ZNF776: variants seen among roughly 807,000 people sequenced by gnomAD.
The protein encoded by ZNF776 is zinc finger protein 776.
In ZNF776, 4 loss-of-function variants were observed where a neutral mutation model predicts 7.0. The observed-to-expected ratio is 0.57, with a 90% CI of 0.28 to 1.31. The LOEUF (loss-of-function observed/expected upper bound fraction) is 1.31, where lower values mean the gene tolerates loss of function less well. Ranked by LOEUF, ZNF776 falls within the 50% of genes most tolerant of loss-of-function variation. The pLI is 0.10. For synonymous variants in ZNF776, 212 were observed against 213.7 expected (o/e 0.99, Z 0.07); for missense variants, 555 against 625.9 (o/e 0.89, Z 1.21).
In ZNF776 at chr19:57,750,973, C is replaced by G. The variant is rs1986586396; in HGVS notation, c.160+62C>G. 3.9e-6 allele frequency: 6 copies of G among 1,525,686 alleles called. No individual in the cohort carries two copies. In the East Asian group the frequency reaches 1.4e-4, roughly 36 times the overall value. 94.5% of individuals were successfully genotyped at this position (1,525,686 alleles called of 1,614,324 possible). The stretch of plus-strand genomic sequence containing the variant: ...TTGTCTGTCTGTCCCCATCTTTTTT[C>G]CCCATGGCAAGACTGTTTTCCTCAC... On this transcript the variant is annotated intron_variant, in intron 2 of 2. Coordinates refer to ENST00000317178, the MANE Select transcript of ZNF776 (RefSeq NM_173632.4).
intron 1 of ZNF776, among the ~76,000 whole-genome samples, chr19:57,747,736 G>A (rs963501900): frequency 1.3e-5 from 2 of 152,102 alleles, no homozygotes; most frequent in African/African-American, 4.8e-5. Context: ...CCTGGCTGCA[G>A]AAGCACTTGC....
At chr19:57,752,217 T>G (rs12610037) in intron 2 of ZNF776, among the ~76,000 whole-genome samples, 75,402 of 151,914 alleles carry the variant, frequency 0.5, 19,567 homozygotes, top group East Asian at 0.67. Flanking sequence ...TTACCCAGGT[T>G]GGTCTTGAAC....
chr19:57,749,402 G>A (rs149432238), intron 1 of ZNF776: 1 of 152,394 alleles, frequency 6.6e-6, no homozygotes, highest in East Asian at 1.9e-4. Flanking sequence ...TTGCATGGAT[G>A]TGGAGTAATG....
rs61738634 is a variant in ZNF776 at position 57,754,269 on chromosome 19, C to A, written c.1139C>A (p.Ala380Glu). ...GGAGAAAGACCTTTTGAGTGTACGG[C>A]ATGTGGGAAGTTATTTAGGAGCAAC... ...HTGERPFECT[A>E]CGKLFRSNSH... is the part of the protein sequence containing the mutation. Residue 380 changes from alanine (A) to glutamate (E), a missense_variant, in exon 3 of 3, where the codon GCA becomes GAA. Ala to Glu is a moderately radical substitution (Grantham distance 107). Transcript: ENST00000317178. 2 of 1,611,680 alleles carry A rather than the reference C, an allele frequency of 1.2e-6. No homozygotes were observed. Among genetic ancestry groups the A allele is most frequent in the Non-Finnish European group, 1.7e-6 (2 of 1,179,348 alleles).
rs183141988 is a variant in ZNF776 at position 57,757,088 on chromosome 19, C to A, written c.*2401C>A. On this transcript the variant is annotated 3_prime_UTR_variant, in exon 3 of 3. Transcript: ENST00000317178. The stretch of plus-strand genomic sequence containing the variant: ...TGGCCTCAAGTAATCCTCTAGCATA[C>A]GCCCTTGAAAGCACTAGGATTACAG... The A allele has an allele frequency of 2.5e-5, 6 of 238,484 alleles. No homozygotes were observed. The South Asian group carries it at 2.6e-4, about 10-fold the overall frequency. 14.8% of individuals were successfully genotyped at this position (238,484 alleles called of 1,614,324 possible).
intron 2 of ZNF776, among the ~76,000 whole-genome samples, chr19:57,752,176 G>T (rs1011883251): frequency 6.6e-6 from 1 of 151,958 alleles, no homozygotes; most frequent in Admixed American, 6.6e-5. Flanking sequence ...GGCCTCATTT[G>T]TTTGTTTTGT....
At chr19:57,749,898 C>T (rs1474625701) in intron 1 of ZNF776, among the ~76,000 whole-genome samples, 1 of 152,146 alleles carries the variant, frequency 6.6e-6, no homozygotes, top group Non-Finnish European at 1.5e-5. Context: ...TGAGGGATGT[C>T]CTCTTCTAGA....
At chr19:57,747,780 C>A (rs1986481690) in intron 1 of ZNF776, among the ~76,000 whole-genome samples, 1 of 152,012 alleles carries the variant, frequency 6.6e-6, no homozygotes, top group Non-Finnish European at 1.5e-5. Flanking sequence ...GGTGTTATTC[C>A]CTCACTGGCC....
chr19:57,747,797 C>T (rs928431209), intron 1 of ZNF776, among the ~76,000 whole-genome samples: 1 of 151,754 alleles, frequency 6.6e-6, no homozygotes, highest in Non-Finnish European at 1.5e-5. Flanking sequence ...GGCCCTAACT[C>T]CTATCCACAT....
In ZNF776 at chr19:57,746,925, T is replaced by G. The variant is rs1299416822; in HGVS notation, c.-134T>G. ...GGTGGAGACGAGACGTTGTCCCGAC[T>G]GCACAGAGGCTGCTCTGCAGCTCCT... is the stretch of plus-strand genomic sequence containing the variant. On this transcript the variant is annotated 5_prime_UTR_variant, in exon 1 of 3. Transcript: ENST00000317178. 1.2e-6 allele frequency: 1 copy of G among 847,732 alleles called. No individual in the cohort carries two copies. The highest frequency in any genetic ancestry group is 2.8e-5 in the East Asian group (1 of 35,176). The allele number at this position is 847,732 out of a possible 1,614,324, so 52.5% of individuals were successfully genotyped here.
intron 2 of ZNF776, among the ~76,000 whole-genome samples, chr19:57,751,863 G>GTTTTTT (rs1256893730): frequency 9.5e-5 from 6 of 63,374 alleles, no homozygotes; most frequent in African/African-American, 2.1e-4. Flanking sequence ...TGTATTTTTG[G>GTTTTTT]TTTTGTTTTT....
rs776447732 is a variant in ZNF776, at chr19:57,754,588, G to C, written c.1458G>C (p.Arg486Ser). The change falls in exon 3 of 3, where the codon AGG (arginine) becomes AGC (serine). Residue 486 changes from arginine (R) to serine (S), a missense_variant. Physicochemically the swap from Arg to Ser is moderately radical, Grantham distance 110. Coordinates refer to ENST00000317178, the MANE Select transcript of ZNF776 (RefSeq NM_173632.4). ...IRHQQIHSGE[R>S]PHECGECGKC... ...ATCAGCAGATTCACTCTGGAGAAAG[G>C]CCACATGAGTGTGGAGAATGTGGAA... 4.3e-6 allele frequency: 7 copies of C among 1,613,886 alleles called. No individual in the cohort carries two copies. In the African/African-American group the frequency reaches 9.3e-5, roughly 22 times the overall value.
chr19:57,754,171 T>G lies in ZNF776; in HGVS notation c.1041T>G (p.Pro347=). The G allele has an allele frequency of 6.2e-7, 1 of 1,613,432 alleles. No individual in the cohort carries two copies. The highest frequency in any genetic ancestry group is 8.5e-7 in the Non-Finnish European group (1 of 1,179,840). Reference sequence around the variant, plus strand: ...AGCGAGTTCACACTGGAGAAAGACCTTATCAGTGTGGAGAATGTGGGAAAT... The same window carrying G: ...AGCGAGTTCACACTGGAGAAAGACCGTATCAGTGTGGAGAATGTGGGAAAT... ...HHQRVHTGER[P]YQCGECGKSF... Residue 347 remains proline, a synonymous_variant, in exon 3 of 3, where the codon CCT becomes CCG. Coordinates refer to ENST00000317178, the MANE Select transcript of ZNF776 (RefSeq NM_173632.4).
Position 57,753,397 on chromosome 19 carries a change from C to T in ZNF776, c.267C>T (p.Val89=). 1 of 1,614,208 alleles carries T rather than the reference C, an allele frequency of 6.2e-7. No homozygotes were observed. The change falls in exon 3 of 3, where the codon GTC becomes GTT. Residue 89 remains valine (V), a synonymous_variant. Coordinates refer to ENST00000317178, the MANE Select transcript of ZNF776 (RefSeq NM_173632.4). The part of the protein sequence containing the change: ...THWTGVCTKK[V]HLWGMCGPLL... ...GGACAGGTGTATGTACCAAGAAGGT[C>T]CACCTCTGGGGAATGTGTGGCCCTC...
chr19:57,751,974 C>T (rs1435238687), intron 2 of ZNF776, among the ~76,000 whole-genome samples: 5 of 141,970 alleles, frequency 3.5e-5, no homozygotes, highest in Non-Finnish European at 6.1e-5. Flanking sequence ...CAGGTTCACA[C>T]CATTCTCCTG....
intron 1 of ZNF776, among the ~76,000 whole-genome samples, chr19:57,749,882 T>C (rs887771835): frequency 2.0e-5 from 3 of 152,216 alleles, no homozygotes; most frequent in Non-Finnish European, 4.4e-5. Flanking sequence ...ATGTGGTCCT[T>C]CATGATGAGG....
rs776250552 is a variant in ZNF776 at position 57,754,662 on chromosome 19, C to T, written c.1532C>T (p.Thr511Met). Residue 511 changes from threonine (T) to methionine (M), a missense_variant, in exon 3 of 3, where the codon ACG becomes ATG. Physicochemically the swap from Thr to Met is moderately conservative, Grantham distance 81. Transcript: ENST00000317178. Reference protein sequence around the residue: ...GNLIKHQRVHTGERHHEC With the variant: ...GNLIKHQRVHMGERHHEC ...CTCATTAAACATCAACGAGTTCACA[C>T]GGGAGAAAGACATCATGAATGTTGA... 36 of 1,612,018 alleles carry T rather than the reference C, an allele frequency of 2.2e-5. No individual in the cohort carries two copies. Among genetic ancestry groups the T allele is most frequent in the Admixed American group, 2.0e-4 (12 of 59,968 alleles).
In ZNF776 at chr19:57,747,005, G is replaced by C; in HGVS notation, c.-54G>C. The C allele has an allele frequency of 2.0e-6, 3 of 1,514,318 alleles. No individual in the cohort carries two copies. The highest frequency in any genetic ancestry group is 1.4e-5 in the African/African-American group (1 of 72,196). 93.8% of individuals were successfully genotyped at this position (1,514,318 alleles called of 1,614,324 possible). On this transcript the variant is annotated 5_prime_UTR_variant, in exon 1 of 3. Coordinates refer to ENST00000317178, the MANE Select transcript of ZNF776 (RefSeq NM_173632.4). ...GCCGGGATCGGGACCACCGTGCCCG[G>C]GTACCTGCACTGCTCGCCCCCTCCT...
At chr19:57,751,868 G>GGTTTT (rs1986613708) in intron 2 of ZNF776, among the ~76,000 whole-genome samples, 2 of 67,506 alleles carry the variant, frequency 3.0e-5, no homozygotes, top group African/African-American at 1.1e-4. Context: ...TTTTGGTTTT[G>GGTTTT]TTTTTTTTTT....
Sources: gnomAD v4.1 joint callset for allele counts (sites outside exome capture counted in the v4.1 genomes callset) on GRCh38, gnomAD v4.1.1 for gene constraint, MANE v1.5 for transcripts, NCBI Gene and HGNC (gene_info 2026-07-23, HGNC 2026-07-21) for gene names.